The following SPACA6 variants were observed in gnomAD, a reference collection of about 807,000 sequenced individuals.
SPACA6 encodes sperm acrosome membrane-associated protein 6.
For missense variants in SPACA6, 8 were observed against 2.8 expected (o/e 2.88, Z -1.34); for synonymous variants, 6 against 1.5 (o/e 4.05, Z -2.21).
At chr19:51,690,117 C>A (rs1423735269), upstream of SPACA6, among the ~76,000 whole-genome samples, 2 of 151,664 alleles carry the variant, frequency 1.3e-5, no homozygotes, top group African/African-American at 4.8e-5. Flanking sequence ...GCCCAGCATC[C>A]ATGCTCCCTC....
chr19:51,711,955 A>C (rs2083543272), intron 2 of SPACA6: 2 of 152,144 alleles, frequency 1.3e-5, no homozygotes. Context: ...AAATGTTCTA[A>C]AATTAGATTA....
chr19:51,709,614 C>CAAAAAAA (rs56844884), downstream of SPACA6, among the ~76,000 whole-genome samples: 1 of 93,174 alleles, frequency 1.1e-5, no homozygotes, highest in African/African-American at 4.3e-5. Context: ...GACTCTGTCA[C>CAAAAAAA]AAAAAAAAAA....
chr19:51,697,708 G>T (rs2083440324), intron 2 of SPACA6, among the ~76,000 whole-genome samples: 1 of 152,148 alleles, frequency 6.6e-6, no homozygotes, highest in South Asian at 2.1e-4. Context: ...ACTGCCTCTT[G>T]GTGATCCCAG....
At position 51,703,885 on chromosome 19, in the gene SPACA6, A is replaced by C; in HGVS notation, c.574-145A>C. 3 of 389,586 alleles carry C rather than the reference A, an allele frequency of 7.7e-6. No homozygotes were observed. The highest frequency in any genetic ancestry group is 1.3e-5 in the Non-Finnish European group (3 of 224,046). 24.1% of individuals were successfully genotyped at this position (389,586 alleles called of 1,614,324 possible). ...AGGAGTGAGGGGAAGGGGTGCGTTT[A>C]GGGCAGGGGAGCGAGAAGGCTCGGG... On this transcript the variant is annotated intron_variant, in intron 6 of 8. Coordinates refer to ENST00000637797, the MANE Select transcript of SPACA6 (RefSeq NM_001316972.2). The surrounding 1 kb of genome is among the most constrained non-coding windows in gnomAD (Gnocchi z 4.2).
chr19:51,700,889 A>G (rs752966035), intron 2 of SPACA6, among the ~76,000 whole-genome samples: 31 of 152,166 alleles, frequency 2.0e-4, no homozygotes, highest in Non-Finnish European at 2.8e-4. Context: ...AGCATGTGCA[A>G]AGGCCCTGAG....
At chr19:51,684,133 T>G (rs1047174697), upstream of SPACA6, among the ~76,000 whole-genome samples, 4 of 152,258 alleles carry the variant, frequency 2.6e-5, no homozygotes, top group Non-Finnish European at 4.4e-5. Flanking sequence ...TAGGTTTTTT[T>G]GGGGGGAGAA....
At chr19:51,687,306 A>ATACATAC (rs1568611549), upstream of SPACA6, 64 of 125,956 alleles carry the variant, frequency 5.1e-4, no homozygotes, top group South Asian at 3.4e-3. Flanking sequence ...TACATACATA[A>ATACATAC]GCAAATCTGT....
chr19:51,686,892 T>C (rs1310112300), upstream of SPACA6: 2 of 152,228 alleles, frequency 1.3e-5, no homozygotes, highest in African/African-American at 4.8e-5. Context: ...TATTATCCCA[T>C]TGTTAGTAAT....
At position 51,705,161 on chromosome 19, in the gene SPACA6, CCTG is replaced by C. The variant is rs1384672424; in HGVS notation, c.*39_*41del. On this transcript the variant is annotated 3_prime_UTR_variant, in exon 9 of 9. Transcript: ENST00000637797. Reference sequence around the variant, plus strand: ...TCCTCCTTCCCTATCCTATTTCCATCCTGAAAATAAAGAATATATTTCAACTCT... The same window carrying C: ...TCCTCCTTCCCTATCCTATTTCCATCAAAATAAAGAATATATTTCAACTCT... 1 of 401,130 alleles carries C rather than the reference CCTG, an allele frequency of 2.5e-6. No individual in the cohort carries two copies. The highest frequency in any genetic ancestry group is 4.4e-6 in the Non-Finnish European group (1 of 226,268). The allele number at this position is 401,130 out of a possible 1,614,324, so 24.8% of individuals were successfully genotyped here.
downstream of SPACA6, among the ~76,000 whole-genome samples, chr19:51,709,628 AAAAG>A (rs1002253171): frequency 1.3e-5 from 2 of 151,094 alleles, no homozygotes; most frequent in Non-Finnish European, 3.0e-5. Context: ...AAAAAAAAAA[AAAAG>A]AAAAGAAATA....
downstream of SPACA6, among the ~76,000 whole-genome samples, chr19:51,708,023 G>C (rs1415594859): frequency 6.6e-6 from 1 of 152,188 alleles, no homozygotes; most frequent in African/African-American, 2.4e-5. Context: ...TCTGGAGGCT[G>C]CACCATGTAG....
upstream of SPACA6, among the ~76,000 whole-genome samples, chr19:51,684,825 G>A (rs1180116410): frequency 1.3e-5 from 2 of 152,224 alleles, no homozygotes; most frequent in African/African-American, 4.8e-5. Flanking sequence ...GCTGTGGGTT[G>A]GACAAGCTTG....
upstream of SPACA6, among the ~76,000 whole-genome samples, chr19:51,690,464 G>T (rs1448693956): frequency 6.6e-6 from 1 of 152,080 alleles, no homozygotes; most frequent in Non-Finnish European, 1.5e-5. Context: ...CCGGAACCCA[G>T]GAGTCCCCAC....
At chr19:51,705,206 G>A (rs1044580439), downstream of SPACA6, 35 of 400,530 alleles carry the variant, frequency 8.7e-5, no homozygotes, top group African/African-American at 6.8e-4. Context: ...TTTCATCTCC[G>A]AAGGTGGTCA....
At chr19:51,709,531 C>CAA (rs56170768), downstream of SPACA6, among the ~76,000 whole-genome samples, 1,229 of 54,422 alleles carry the variant, frequency 0.023, 91 homozygotes, top group African/African-American at 0.077. Context: ...AAAAAAAAGG[C>CAA]AAAAAAAAAA....
chr19:51,694,430 T>C, intron 1 of SPACA6, 48 bp from the exon 2 acceptor site: 1 of 398,622 alleles, frequency 2.5e-6, no homozygotes, highest in Non-Finnish European at 4.4e-6. Flanking sequence ...GGACATGGTG[T>C]TGCGGGGAGC....
chr19:51,704,214 A>G (rs2083495016), intron 7 of SPACA6, 28 bp downstream of exon 7: 4 of 400,376 alleles, frequency 1.0e-5, no homozygotes. Flanking sequence ...CGCGTGAGTG[A>G]GCGGGGTCGG....
At chr19:51,700,950 G>A (rs956453571) in intron 2 of SPACA6, among the ~76,000 whole-genome samples, 7 of 152,102 alleles carry the variant, frequency 4.6e-5, no homozygotes, top group African/African-American at 1.4e-4. Context: ...GGCCAGGCAC[G>A]GTGGCTCATG....
chr19:51,708,193 C>T (rs931631120), downstream of SPACA6, among the ~76,000 whole-genome samples: 1 of 152,124 alleles, frequency 6.6e-6, no homozygotes, highest in Non-Finnish European at 1.5e-5. Flanking sequence ...TTGAATAGAA[C>T]AAACGATGCT....
Sources: gnomAD v4.1 joint callset for allele counts (sites outside exome capture counted in the v4.1 genomes callset) on GRCh38, gnomAD v4.1.1 for gene constraint, Gnocchi (gnomAD v3.1) non-coding constraint, MANE v1.5 for transcripts, NCBI Gene and HGNC (gene_info 2026-07-23, HGNC 2026-07-21) for gene names.